PRMT2: variants seen among roughly 807,000 people sequenced by gnomAD.
PRMT2 encodes the protein protein arginine methyltransferase 2.
A neutral mutation model predicts 57.6 loss-of-function variants in PRMT2; 26 were observed. The observed-to-expected ratio is 0.45, with a 90% CI of 0.33 to 0.63. The LOEUF (loss-of-function observed/expected upper bound fraction) is 0.63. PRMT2 is among the 20% of genes least tolerant of loss of function. The pLI is 0.02. For missense variants in PRMT2, 472 were observed against 564.4 expected (o/e 0.84, Z 1.66); for synonymous variants, 219 against 220.0 (o/e 1.00, Z 0.04).
chr21:46,652,756 C>T (rs1364398240), intron 7 of PRMT2: 1 of 1,146,784 alleles, frequency 8.7e-7, no homozygotes, highest in South Asian at 1.8e-5. Flanking sequence ...GTAAAGATAC[C>T]ACAGGTGTCC....
At chr21:46,659,750 TCCTC>T in intron 8 of PRMT2, 14 of 985,382 alleles carry the variant, frequency 1.4e-5, no homozygotes, top group Non-Finnish European at 1.6e-5. Context: ...ACCTGAGTGT[TCCTC>T]CCGGCACTGG....
At chr21:46,641,066 A>G (rs1332339656) in intron 3 of PRMT2, among the ~76,000 whole-genome samples, 3 of 145,888 alleles carry the variant, frequency 2.1e-5, no homozygotes. Context: ...GGAGGTTGCC[A>G]TGAGCCAGGA....
rs1293195656 is a variant in PRMT2 at position 46,648,050 on chromosome 21, T to C, written c.328-408T>C. 6.6e-6 allele frequency among the ~76,000 whole-genome samples: 1 copy of C among 152,216 alleles called. No individual in the cohort carries two copies. Among genetic ancestry groups the C allele is most frequent in the African/African-American group, 2.4e-5 (1 of 41,460 alleles). ...TAATTTTATTATCATTTTGTTGTGC[T>C]TTCTCCTTTAGTAGGTACTGCATGG... On this transcript the variant is annotated intron_variant, in intron 5 of 11. Coordinates refer to ENST00000355680, the MANE Select transcript of PRMT2 (RefSeq NM_206962.4). The surrounding 1 kb of genome is among the most constrained non-coding windows in gnomAD (Gnocchi z 4.8).
chr21:46,663,330 T>C (rs1170265596), intron 10 of PRMT2, 53 bp from the exon 11 acceptor site: 13 of 1,551,544 alleles, frequency 8.4e-6, no homozygotes, highest in African/African-American at 1.4e-5. Context: ...CCGAGGGCCA[T>C]GTGGAGACTG....
chr21:46,660,655 GGAGGCACCCAGGGCCTGT>G (rs1427556089), intron 8 of PRMT2, among the ~76,000 whole-genome samples, 160 bp from the exon 9 acceptor site: 1 of 152,096 alleles, frequency 6.6e-6, no homozygotes, highest in Non-Finnish European at 1.5e-5. Context: ...TCTCAGAGCG[GGAGGCACCCAGGGCCTGT>G]GGAGGCCTGA....
chr21:46,637,807 G>A (rs55940229), intron 3 of PRMT2, among the ~76,000 whole-genome samples: 106,554 of 151,796 alleles, frequency 0.7, 37,591 homozygotes, highest in African/African-American at 0.77. Context: ...ATATGTATAT[G>A]TAAAAAATAC....
At chr21:46,654,270 GT>G in intron 7 of PRMT2, 1 of 435,912 alleles carries the variant, frequency 2.3e-6, no homozygotes, top group Non-Finnish European at 3.1e-6. Context: ...TAAAAATTAT[GT>G]TTTAGAAAGA....
intron 11 of PRMT2, 30 bp from the exon 12 acceptor site, chr21:46,664,265 G>C (rs117282473): frequency 0.01 from 15,376 of 1,529,076 alleles, 119 homozygotes; most frequent in Non-Finnish European, 0.012. Flanking sequence ...TTTATCATCT[G>C]ATTGACCTGT....
intron 3 of PRMT2, among the ~76,000 whole-genome samples, chr21:46,639,310 A>G (rs146847668): frequency 1.1e-4 from 16 of 152,144 alleles, no homozygotes; most frequent in Admixed American, 8.5e-4. Flanking sequence ...TGCAAAGACT[A>G]TGTATTCTGC....
At chr21:46,657,777 C>T (rs373789730) in intron 7 of PRMT2, 4 of 152,100 alleles carry the variant, frequency 2.6e-5, no homozygotes, top group South Asian at 2.1e-4. Flanking sequence ...GTAGGCTGTA[C>T]GCCAGAAAAG....
rs759213170 is a variant in PRMT2 at position 46,649,537 on chromosome 21, C to G, written c.490-38C>G. 1 of 1,613,452 alleles carries G rather than the reference C, an allele frequency of 6.2e-7. No homozygotes were observed. Among genetic ancestry groups the G allele is most frequent in the Admixed American group, 1.7e-5 (1 of 60,022 alleles). On this transcript the variant is annotated intron_variant, in intron 6 of 11. Transcript: ENST00000355680. This position sits in a 1 kb window ranked among gnomAD's most constrained non-coding sequence, Gnocchi z 4.8. ...GGAGAGTAGATGACGGGCCGTGTGC[C>G]GGCCGGATGTACGCTGACGGTGCCT...
intron 7 of PRMT2, chr21:46,652,568 A>G: frequency 2.0e-6 from 2 of 985,464 alleles, no homozygotes; most frequent in Non-Finnish European, 2.4e-6. Flanking sequence ...TGGCTGAGCA[A>G]TCCTCTAATA....
chr21:46,659,954 A>G (rs773677777), intron 8 of PRMT2: 238 of 983,894 alleles, frequency 2.4e-4, no homozygotes, highest in Non-Finnish European at 2.6e-4. Context: ...GCTTGCATAA[A>G]TAAATTTATA....
chr21:46,649,543 G>T lies in PRMT2; in HGVS notation c.490-32G>T. The T allele has an allele frequency of 9.9e-6, 16 of 1,613,648 alleles. No homozygotes were observed. The highest frequency in any genetic ancestry group is 1.7e-5 in the Admixed American group (1 of 60,028). On this transcript the variant is annotated intron_variant, in intron 6 of 11. Transcript: ENST00000355680. The surrounding 1 kb of genome is among the most constrained non-coding windows in gnomAD (Gnocchi z 4.8). ...TAGATGACGGGCCGTGTGCCGGCCG[G>T]ATGTACGCTGACGGTGCCTCTGCTG...
chr21:46,645,403 C>T (rs1231242430), intron 5 of PRMT2, among the ~76,000 whole-genome samples: 1 of 46,164 alleles, frequency 2.2e-5, no homozygotes, highest in Non-Finnish European at 4.3e-5. Flanking sequence ...GAGTTCAAGT[C>T]TGTGGTGAGC....
Position 46,644,451 on chromosome 21 carries a change from G to A in PRMT2, c.290G>A (p.Trp97Ter), listed in dbSNP as rs1438846657. The A allele has an allele frequency of 6.3e-7, 1 of 1,595,882 alleles. No individual in the cohort carries two copies. The highest frequency in any genetic ancestry group is 1.8e-5 in the Admixed American group (1 of 55,740). ...GATGAGTACGACCCCGAGGACACGTGGCAGGATGAAGAGTACTTCGGCAGC... is the reference window on the plus strand; with the variant it reads ...GATGAGTACGACCCCGAGGACACGTAGCAGGATGAAGAGTACTTCGGCAGC... ...HVDEYDPEDT[W>*]QDEEYFGSYG... Residue 97 changes from tryptophan to a stop codon, truncating the protein, a stop_gained, in exon 5 of 12, where the codon TGG becomes TAG. Coordinates refer to ENST00000355680, the MANE Select transcript of PRMT2 (RefSeq NM_206962.4). LOFTEE classifies it high-confidence loss of function.
At chr21:46,637,987 C>G (rs777529521) in intron 3 of PRMT2, among the ~76,000 whole-genome samples, 1 of 152,138 alleles carries the variant, frequency 6.6e-6, no homozygotes, top group Non-Finnish European at 1.5e-5. Flanking sequence ...AAGCGACACT[C>G]TAGATAAAGT....
intron 8 of PRMT2, chr21:46,659,313 T>G (rs1404023459): frequency 2.0e-6 from 2 of 996,234 alleles, no homozygotes; most frequent in African/African-American, 1.7e-5. Context: ...GTGCACCATC[T>G]TAGGTGGAGA....
At chr21:46,661,402 G>A (rs1601955773) in intron 9 of PRMT2, 1 of 168,494 alleles carries the variant, frequency 5.9e-6, no homozygotes, top group East Asian at 1.6e-4. Flanking sequence ...CGGTTTCCCC[G>A]CGCCCCCGCC....
Sources: allele counts gnomAD v4.1 joint callset (sites outside exome capture counted in the v4.1 genomes callset), GRCh38; gene constraint gnomAD v4.1.1; non-coding constraint Gnocchi (gnomAD v3.1); transcripts MANE v1.5; gene names NCBI Gene and HGNC (gene_info 2026-07-23, HGNC 2026-07-21).